ZNF268: variants seen among roughly 807,000 people sequenced by gnomAD.
ZNF268 encodes zinc finger protein 3.
Under a neutral mutation model 29.3 loss-of-function variants are expected in ZNF268, and 20 were observed. The observed-to-expected ratio is 0.68, with a 90% CI of 0.48 to 0.99. ZNF268 has a LOEUF of 0.99. Among genes scored for constraint, ZNF268 ranks in the 50% least tolerant of loss-of-function variants. ZNF268 has a pLI of 0.00. For synonymous variants in ZNF268, 429 were observed against 376.9 expected (o/e 1.14, Z -1.60); for missense variants, 1,240 against 1,121.6 (o/e 1.11, Z -1.51).
In ZNF268 at chr12:133,206,809, A is replaced by C. The variant is rs904404045; in HGVS notation, c.*2279A>C. ...AGGGAAGGGACATCTTACATAAACA[A>C]ATAATCGCAGATACTTGCTAAAGTG... is the stretch of plus-strand genomic sequence containing the variant. On this transcript the variant is annotated 3_prime_UTR_variant, in exon 6 of 6. Coordinates refer to ENST00000536435, the MANE Select transcript of ZNF268 (RefSeq NM_003415.3). The C allele has an allele frequency of 3.9e-5, 6 of 152,238 alleles. No homozygotes were observed. Among genetic ancestry groups the C allele is most frequent in the African/African-American group, 1.4e-4 (6 of 41,466 alleles). The allele number at this position is 152,238 out of a possible 1,614,324, so 9.4% of individuals were successfully genotyped here. A position where few individuals can be genotyped will look rare whatever the true frequency, so the allele number is the denominator to read the frequency against.
intron 3 of ZNF268, 119 bp from the exon 4 acceptor site, chr12:133,191,370 G>T: frequency 8.8e-7 from 1 of 1,135,838 alleles, no homozygotes; most frequent in Non-Finnish European, 1.3e-6. Context: ...ATTGATGGAT[G>T]TTTTCAATAC....
rs868005962 is a variant in ZNF268, at chr12:133,181,976, G to A, written c.-22G>A. On this transcript the variant is annotated 5_prime_UTR_variant, in exon 2 of 6. Coordinates refer to ENST00000536435, the MANE Select transcript of ZNF268 (RefSeq NM_003415.3). Reference sequence around the variant, plus strand: ...CTCGCGTCCTGTCACTTCCAGCGAGGCACACAAAACTGACCGTAGGGATGG... The same window carrying A: ...CTCGCGTCCTGTCACTTCCAGCGAGACACACAAAACTGACCGTAGGGATGG... 6.4e-7 allele frequency: 1 copy of A among 1,561,462 alleles called. No individual in the cohort carries two copies. Among genetic ancestry groups the A allele is most frequent in the African/African-American group, 1.4e-5 (1 of 73,624 alleles).
chr12:133,193,122 A>C (rs1376424868), intron 5 of ZNF268, among the ~76,000 whole-genome samples: 13 of 152,092 alleles, frequency 8.5e-5, no homozygotes, highest in Admixed American at 7.2e-4. Context: ...TGCTCTTCTG[A>C]ATCCAAGGGG....
At position 133,213,136 on chromosome 12, in the gene ZNF268, T is replaced by G. The variant is rs1045516411; in HGVS notation, c.*8606T>G. 1 of 152,208 alleles carries G rather than the reference T, an allele frequency of 6.6e-6. No individual in the cohort carries two copies. Among genetic ancestry groups the G allele is most frequent in the Admixed American group, 6.5e-5 (1 of 15,278 alleles). 9.4% of individuals were successfully genotyped at this position (152,208 alleles called of 1,614,324 possible). A position where few individuals can be genotyped will look rare whatever the true frequency, so the allele number is the denominator to read the frequency against. On this transcript the variant is annotated 3_prime_UTR_variant, in exon 6 of 6. Transcript: ENST00000536435. Reference sequence around the variant, plus strand: ...TCCCAAAGTGCTGGGATTACAGGCTTGAACCACTGCACTTGGCCTCCATAT... The same window carrying G: ...TCCCAAAGTGCTGGGATTACAGGCTGGAACCACTGCACTTGGCCTCCATAT...
In ZNF268 at chr12:133,206,568, C is replaced by T. The variant is rs1421918532; in HGVS notation, c.*2038C>T. On this transcript the variant is annotated 3_prime_UTR_variant, in exon 6 of 6. Coordinates refer to ENST00000536435, the MANE Select transcript of ZNF268 (RefSeq NM_003415.3). ...GCATTAATCTGGGAAGAGTGGGACC[C>T]TGCCAGTTAGATTAGGGCTATCTTG... is the stretch of plus-strand genomic sequence containing the variant. The T allele has an allele frequency of 6.6e-6, 1 of 152,130 alleles. No individual in the cohort carries two copies. Among genetic ancestry groups the T allele is most frequent in the Non-Finnish European group, 1.5e-5 (1 of 68,034 alleles). The allele number at this position is 152,130 out of a possible 1,614,324, so 9.4% of individuals were successfully genotyped here.
At chr12:133,184,418 T>G (rs1956257196) in intron 2 of ZNF268, among the ~76,000 whole-genome samples, 1 of 152,092 alleles carries the variant, frequency 6.6e-6, no homozygotes, top group African/African-American at 2.4e-5. Context: ...CTCTCTGCTT[T>G]CAAGATGGCA....
intron 3 of ZNF268, among the ~76,000 whole-genome samples, chr12:133,189,150 G>T (rs1956398854): frequency 6.6e-6 from 1 of 151,220 alleles, no homozygotes; most frequent in Non-Finnish European, 1.5e-5. Context: ...AGATATTTTA[G>T]ATTTATATGT....
intron 5 of ZNF268, among the ~76,000 whole-genome samples, chr12:133,198,566 A>G (rs113155467): frequency 1.3e-5 from 2 of 152,074 alleles, no homozygotes; most frequent in Non-Finnish European, 2.9e-5. Flanking sequence ...TTTCAATTCT[A>G]TGAAGAAAGT....
Position 133,203,254 on chromosome 12 carries a change from C to T in ZNF268, c.1568C>T (p.Thr523Ile). The change falls in exon 6 of 6, where the codon ACA (threonine) becomes ATA (isoleucine). Residue 523 changes from threonine to isoleucine, a missense_variant. This residue lies in a region of ZNF268 where 1,177 missense variants were observed against 1,039.6 expected (regional missense o/e 1.13). Coordinates refer to ENST00000536435, the MANE Select transcript of ZNF268 (RefSeq NM_003415.3). ...SYLIIHTRTH[T>I]GEKLHECNNC... ...CTTATTATACATACAAGGACTCATA[C>T]AGGAGAAAAACTCCATGAATGCAAC... 6.5e-7 allele frequency: 1 copy of T among 1,538,196 alleles called. No homozygotes were observed. The highest frequency in any genetic ancestry group is 8.7e-7 in the Non-Finnish European group (1 of 1,146,984).
At chr12:133,198,617 AC>A (rs1956674925) in intron 5 of ZNF268, among the ~76,000 whole-genome samples, 1 of 151,936 alleles carries the variant, frequency 6.6e-6, no homozygotes, top group South Asian at 2.1e-4. Context: ...TCTATAAATT[AC>A]CTTGGGCAGT....
chr12:133,187,321 C>G (rs1956347748), intron 2 of ZNF268, among the ~76,000 whole-genome samples: 1 of 151,838 alleles, frequency 6.6e-6, no homozygotes. Flanking sequence ...TTCACATTTT[C>G]CAGATTTCAC....
intron 5 of ZNF268, among the ~76,000 whole-genome samples, chr12:133,200,967 T>C (rs934302391): frequency 6.6e-6 from 1 of 152,114 alleles, no homozygotes; most frequent in Non-Finnish European, 1.5e-5. Context: ...CATGTTCCCA[T>C]GCCTCCATCA....
chr12:133,203,466 G>C lies in ZNF268; in HGVS notation c.1780G>C (p.Gly594Arg), dbSNP rs1335119330. Residue 594 changes from glycine to arginine, a missense_variant, in exon 6 of 6, where the codon GGT (glycine) becomes CGT (arginine). Gly to Arg is a moderately radical substitution (Grantham distance 125). Transcript: ENST00000536435. ...YECTDCGKAFGLKSQLIIHQR... is the reference protein window; with the variant it reads ...YECTDCGKAFRLKSQLIIHQR... ...ATGCACCGACTGTGGAAAGGCTTTT[G>C]GTTTAAAGTCACAGCTTATTATACA... 1 of 1,541,712 alleles carries C rather than the reference G, an allele frequency of 6.5e-7. No homozygotes were observed. Among genetic ancestry groups the C allele is most frequent in the Non-Finnish European group, 8.7e-7 (1 of 1,148,312 alleles).
At position 133,212,522 on chromosome 12, in the gene ZNF268, CACAT is replaced by C. The variant is rs1166445095; in HGVS notation, c.*7994_*7997del. 58 of 141,608 alleles carry C rather than the reference CACAT, an allele frequency of 4.1e-4. 2 individuals are homozygous for C. The highest frequency in any genetic ancestry group is 1.3e-3 in the African/African-American group (51 of 37,802). The allele number at this position is 141,608 out of a possible 1,614,324, so 8.8% of individuals were successfully genotyped here. On this transcript the variant is annotated 3_prime_UTR_variant, in exon 6 of 6. Coordinates refer to ENST00000536435, the MANE Select transcript of ZNF268 (RefSeq NM_003415.3). ...ATGTATATATACACACACACATACA[CACAT>C]ATATACACATATATATACACATATA...
chr12:133,203,073 C>T lies in ZNF268; in HGVS notation c.1387C>T (p.Gln463Ter). ...FTFKSQLIVH[Q>*]GIHTGVKPYG... ...ATTCAAGTCACAGCTCATTGTACAT[C>T]AGGGGATTCACACAGGAGTAAAGCC... Residue 463 changes from glutamine (Q) to a stop codon, truncating the protein, a stop_gained, in exon 6 of 6, where the codon CAG (glutamine) becomes TAG (stop). Transcript: ENST00000536435. LOFTEE classifies it low-confidence loss of function (END_TRUNC). 6.5e-7 allele frequency: 1 copy of T among 1,537,786 alleles called. No individual in the cohort carries two copies. Among genetic ancestry groups the T allele is most frequent in the South Asian group, 1.2e-5 (1 of 84,058 alleles).
intron 2 of ZNF268, among the ~76,000 whole-genome samples, chr12:133,185,201 CAAAG>C (rs1956279446): frequency 2.3e-5 from 3 of 132,938 alleles, no homozygotes; most frequent in African/African-American, 5.3e-5. Flanking sequence ...AAAAAAAAAA[CAAAG>C]AATGTGTGGT....
At chr12:133,182,126 C>G (rs1956191947) in intron 2 of ZNF268, 96 bp downstream of exon 2, 8 of 1,238,192 alleles carry the variant, frequency 6.5e-6, no homozygotes, top group Non-Finnish European at 9.1e-6. Context: ...CAGGAGCTTT[C>G]TCACCCCACC....
intron 2 of ZNF268, among the ~76,000 whole-genome samples, chr12:133,183,003 C>T (rs997388626): frequency 2.6e-5 from 4 of 152,248 alleles, no homozygotes; most frequent in Middle Eastern, 6.8e-3. Context: ...GCATGACTGC[C>T]GGAGCCCCGC....
chr12:133,189,162 A>C (rs1464849312), intron 3 of ZNF268, among the ~76,000 whole-genome samples: 1 of 151,490 alleles, frequency 6.6e-6, no homozygotes, highest in Non-Finnish European at 1.5e-5. Context: ...TTTATATGTA[A>C]GTTCTTTCTG....
Sources: gnomAD v4.1 joint callset for allele counts (sites outside exome capture counted in the v4.1 genomes callset) on GRCh38, gnomAD v4.1.1 for gene constraint, gnomAD v4.1.1 regional missense constraint, MANE v1.5 for transcripts, NCBI Gene and HGNC (gene_info 2026-07-23, HGNC 2026-07-21) for gene names.